Variants in HIPK2 observed in about 807,000 individuals in gnomAD.
HIPK2 encodes homeodomain-interacting protein kinase 2.
In HIPK2, 27 loss-of-function variants were observed where a neutral mutation model predicts 113.7. The ratio of observed to expected loss-of-function variants is 0.24; its 90% CI spans 0.17 to 0.33. The LOEUF is 0.33. Among genes scored for constraint, HIPK2 ranks in the 10% least tolerant of loss-of-function variants. The pLI is 1.00. For missense variants in HIPK2, 1,257 were observed against 1,588.0 expected, an observed-to-expected ratio of 0.79 and a Z score of 3.54; for synonymous variants, 631 against 642.2, an observed-to-expected ratio of 0.98 and a Z score of 0.26.
chr7:139,575,243 C>T lies in HIPK2; in HGVS notation c.3011G>A (p.Ser1004Asn). 1 of 1,579,608 alleles carries T rather than the reference C, an allele frequency of 6.3e-7. No individual in the cohort carries two copies. The highest frequency in any genetic ancestry group is 8.6e-7 in the Non-Finnish European group (1 of 1,162,674). Residue 1004 changes from serine to asparagine, a missense_variant, in exon 14 of 15, where the codon AGC becomes AAC. Ser to Asn is a conservative substitution (Grantham distance 46). Around this residue, in one of 5 missense-constraint regions of HIPK2, gnomAD observed 862 missense variants for 1,004.3 expected, o/e 0.86. Coordinates refer to ENST00000406875, the MANE Select transcript of HIPK2 (RefSeq NM_022740.5). Reference protein sequence around the residue: ...HSSSYKSKSSSNVTSTSGHSS... With the variant: ...HSSSYKSKSSNNVTSTSGHSS... ...GTGACCGCTGGTGGAGGTCACGTTG[C>T]TGGAGGACTTGGACTTGTAGGAGGA...
At chr7:139,760,693 T>C (rs1796448104) in intron 1 of HIPK2, among the ~76,000 whole-genome samples, 1 of 152,180 alleles carries the variant, frequency 6.6e-6, no homozygotes, top group Admixed American at 6.5e-5. Flanking sequence ...AGTGAAAGCA[T>C]AAGGATTTTA....
intron 1 of HIPK2, among the ~76,000 whole-genome samples, chr7:139,738,229 T>C (rs146040056): frequency 2.6e-5 from 4 of 152,352 alleles, no homozygotes; most frequent in East Asian, 3.9e-4. Context: ...GATAAAAATA[T>C]TGTATCAGTG....
chr7:139,722,949 G>A (rs1047462214), intron 1 of HIPK2, among the ~76,000 whole-genome samples: 5 of 151,154 alleles, frequency 3.3e-5, no homozygotes, highest in African/African-American at 4.9e-5. Context: ...TTGCAGCCTC[G>A]AACTCCTGGG....
chr7:139,777,775 C>G lies in HIPK2; in HGVS notation c.-152G>C, dbSNP rs1431704245. The G allele has an allele frequency of 6.6e-6, 4 of 605,170 alleles. No individual in the cohort carries two copies. The highest frequency in any genetic ancestry group is 8.2e-6 in the Non-Finnish European group (4 of 486,420). 37.5% of individuals were successfully genotyped at this position (605,170 alleles called of 1,614,324 possible). A position where few individuals can be genotyped will look rare whatever the true frequency, so the allele number is the denominator to read the frequency against. On this transcript the variant is annotated 5_prime_UTR_variant, in exon 1 of 15. Transcript: ENST00000406875. ...CGCCCGCGCCCGCATCACCGCCTCCCGTGGCCGGCGCCGGGGGAGGGGGCC... is the reference window on the plus strand; with the variant it reads ...CGCCCGCGCCCGCATCACCGCCTCCGGTGGCCGGCGCCGGGGGAGGGGGCC...
At chr7:139,646,520 G>T (rs993385062) in intron 2 of HIPK2, among the ~76,000 whole-genome samples, 1 of 143,818 alleles carries the variant, frequency 7.0e-6, no homozygotes, top group Non-Finnish European at 1.5e-5. Context: ...AAAAAAAAAA[G>T]GAAAGAAAGA....
intron 2 of HIPK2, among the ~76,000 whole-genome samples, chr7:139,690,435 G>T (rs1417126800): frequency 6.6e-6 from 1 of 152,152 alleles, no homozygotes; most frequent in Non-Finnish European, 1.5e-5. Flanking sequence ...GAACTAATGG[G>T]AGGTATTTGG....
intron 11 of HIPK2, among the ~76,000 whole-genome samples, chr7:139,597,890 G>A (rs1399734889): frequency 1.3e-5 from 2 of 152,150 alleles, no homozygotes; most frequent in Non-Finnish European, 2.9e-5. Flanking sequence ...TACCTGAAAT[G>A]CTTGGTCCAG....
At position 139,572,799 on chromosome 7, in the gene HIPK2, A is replaced by G. The variant is rs1211730457; in HGVS notation, c.*128T>C. Reference sequence around the variant, plus strand: ...CCCCCCCCGCCCCTGCCCCGTTTGCATTGTTTGTGTGCGGCATCTTCAGTA... The same window carrying G: ...CCCCCCCCGCCCCTGCCCCGTTTGCGTTGTTTGTGTGCGGCATCTTCAGTA... On this transcript the variant is annotated 3_prime_UTR_variant, in exon 15 of 15. Transcript: ENST00000406875. 6.5e-5 allele frequency: 7 copies of G among 108,258 alleles called. No homozygotes were observed. The highest frequency in any genetic ancestry group is 1.2e-4 in the Non-Finnish European group (7 of 59,834). 6.7% of individuals were successfully genotyped at this position (108,258 alleles called of 1,614,324 possible).
At chr7:139,697,600 T>C (rs1044904556) in intron 2 of HIPK2, among the ~76,000 whole-genome samples, 2 of 151,818 alleles carry the variant, frequency 1.3e-5, no homozygotes, top group Non-Finnish European at 2.9e-5. Flanking sequence ...GTTTAAAAAA[T>C]AATTAAACAG....
intron 1 of HIPK2, among the ~76,000 whole-genome samples, chr7:139,731,277 A>T (rs918956468): frequency 3.3e-5 from 5 of 152,208 alleles, no homozygotes; most frequent in African/African-American, 9.6e-5. Context: ...TTAAAAAGCA[A>T]CAGAAGCATC....
chr7:139,747,994 G>C (rs1585451490), intron 1 of HIPK2, among the ~76,000 whole-genome samples: 1 of 152,146 alleles, frequency 6.6e-6, no homozygotes, highest in Non-Finnish European at 1.5e-5. Flanking sequence ...AGGCAGAGCT[G>C]TTCTAGATGG....
intron 1 of HIPK2, among the ~76,000 whole-genome samples, chr7:139,722,686 T>G (rs1183561514): frequency 6.6e-6 from 1 of 151,958 alleles, no homozygotes; most frequent in Non-Finnish European, 1.5e-5. Context: ...TACGTCCTAC[T>G]GCCGGTTGGA....
chr7:139,666,933 A>C (rs9801656), intron 2 of HIPK2, among the ~76,000 whole-genome samples: 56,322 of 151,714 alleles, frequency 0.37, 11,464 homozygotes, highest in East Asian at 0.54. Context: ...TAGTGGCAGG[A>C]TCCTGTAATC....
intron 13 of HIPK2, among the ~76,000 whole-genome samples, chr7:139,579,830 C>A (rs990953081): frequency 6.6e-6 from 1 of 152,144 alleles, no homozygotes; most frequent in Non-Finnish European, 1.5e-5. Flanking sequence ...GCCCCTCCCA[C>A]CCCATCCACT....
At chr7:139,732,951 T>C (rs1375441881) in intron 1 of HIPK2, among the ~76,000 whole-genome samples, 2 of 151,804 alleles carry the variant, frequency 1.3e-5, no homozygotes, top group African/African-American at 4.8e-5. Context: ...GACTGGATCA[T>C]GCGGGTGGTT....
At chr7:139,750,495 C>T (rs745414498) in intron 1 of HIPK2, among the ~76,000 whole-genome samples, 50 of 152,248 alleles carry the variant, frequency 3.3e-4, no homozygotes, top group African/African-American at 1.0e-3. Flanking sequence ...CACACACATG[C>T]GTGAACACGC....
intron 2 of HIPK2, among the ~76,000 whole-genome samples, chr7:139,701,329 C>T (rs1290652281): frequency 1.3e-5 from 2 of 152,132 alleles, no homozygotes; most frequent in Non-Finnish European, 2.9e-5. Flanking sequence ...AGAGAGGCCA[C>T]GGTGAGAAAT....
At chr7:139,706,026 A>T (rs1449664927) in intron 2 of HIPK2, among the ~76,000 whole-genome samples, 1 of 152,140 alleles carries the variant, frequency 6.6e-6, no homozygotes, top group African/African-American at 2.4e-5. Flanking sequence ...GTTGGAGGTT[A>T]CGAGGCCCCG....
chr7:139,630,678 G>A lies in HIPK2; in HGVS notation c.1347+487C>T, dbSNP rs532831953. On this transcript the variant is annotated intron_variant, in intron 4 of 14. Transcript: ENST00000406875. The surrounding 1 kb of genome is among the most constrained non-coding windows in gnomAD (Gnocchi z 4.0). Reference sequence around the variant, plus strand: ...CTCCCGAAGTGCTGGGATTACAGGCGTGAGCCACCACGCTCCCTCTTCATT... The same window carrying A: ...CTCCCGAAGTGCTGGGATTACAGGCATGAGCCACCACGCTCCCTCTTCATT... Among the ~76,000 whole-genome samples, 76 of 152,316 alleles carry A rather than the reference G, an allele frequency of 5.0e-4. 1 individual carries two copies. The highest frequency in any genetic ancestry group is 1.5e-3 in the African/African-American group (63 of 41,558).
Sources: allele counts gnomAD v4.1 joint callset (sites outside exome capture counted in the v4.1 genomes callset), GRCh38; gene constraint gnomAD v4.1.1; regional missense constraint gnomAD v4.1.1; non-coding constraint Gnocchi (gnomAD v3.1); transcripts MANE v1.5; gene names NCBI Gene and HGNC (gene_info 2026-07-23, HGNC 2026-07-21).